The following DLGAP1 variants were observed in gnomAD, a reference collection of about 807,000 sequenced individuals.
DLGAP1 encodes DLG associated protein 1.
DLGAP1 carries 11 observed loss-of-function variants against 90.8 expected under a neutral mutation model. That is an observed-to-expected ratio of 0.12 (90% CI 0.08 to 0.20). The LOEUF is 0.20. Among genes scored for constraint, DLGAP1 ranks in the 10% least tolerant of loss-of-function variants. The probability of loss-of-function intolerance (pLI) is 1.00; values close to 1 mark genes in which losing one functional copy is unlikely to be tolerated. For synonymous variants in DLGAP1, 558 were observed against 540.7 expected, an observed-to-expected ratio of 1.03 and a Z score of -0.44; for missense variants, 1,050 against 1,333.8, an observed-to-expected ratio of 0.79 and a Z score of 3.31.
intron 7 of DLGAP1, among the ~76,000 whole-genome samples, chr18:3,648,788 T>C (rs2059203866): frequency 6.6e-6 from 1 of 152,196 alleles, no homozygotes. Flanking sequence ...ACTTATACTC[T>C]TGAAAAACAA....
At chr18:4,119,678 G>A (rs1245322828) in intron 2 of DLGAP1, among the ~76,000 whole-genome samples, 2 of 152,092 alleles carry the variant, frequency 1.3e-5, no homozygotes, top group Non-Finnish European at 2.9e-5. Flanking sequence ...TAAAAAGAGT[G>A]AATTAGACAA....
At chr18:4,045,060 A>C (rs2075028498) in intron 2 of DLGAP1, among the ~76,000 whole-genome samples, 1 of 152,060 alleles carries the variant, frequency 6.6e-6, no homozygotes, top group African/African-American at 2.4e-5. Context: ...ATCATAATTA[A>C]CCCAAATTTA....
chr18:3,958,155 C>T (rs560643430), intron 3 of DLGAP1, among the ~76,000 whole-genome samples: 5 of 152,026 alleles, frequency 3.3e-5, no homozygotes, highest in Non-Finnish European at 5.9e-5. Flanking sequence ...CAGATCTGCC[C>T]GCCTCGGCCT....
At chr18:3,596,876 T>G (rs756556398) in intron 7 of DLGAP1, 1 of 520,098 alleles carries the variant, frequency 1.9e-6, no homozygotes, top group Non-Finnish European at 3.8e-6. Context: ...GTGTTTGATG[T>G]TGGCCAATGC....
At chr18:3,979,776 TG>T (rs1271094820) in intron 3 of DLGAP1, among the ~76,000 whole-genome samples, 7 of 152,226 alleles carry the variant, frequency 4.6e-5, no homozygotes, top group Non-Finnish European at 1.0e-4. Context: ...CCTTCTATGA[TG>T]TATACATAGA....
chr18:4,291,721 T>A (rs2079854611), intron 1 of DLGAP1, among the ~76,000 whole-genome samples: 1 of 152,196 alleles, frequency 6.6e-6, no homozygotes, highest in South Asian at 2.1e-4. Flanking sequence ...TTGTGTTTAT[T>A]GTTAAAATTT....
In DLGAP1 at chr18:4,026,887, TA is replaced by T. The variant is rs376529399; in HGVS notation, c.-158-21687del. ...TTGTTCCTTTCCAAGGTTTAGGCAC[TA>T]AGCTGCTGTTATTAAGATAGGAATT... On this transcript the variant is annotated intron_variant, in intron 2 of 12. Transcript: ENST00000315677. Among the ~76,000 whole-genome samples the T allele has an allele frequency of 6.1e-4, 93 of 152,308 alleles. 1 individual carries two copies. In the South Asian group the frequency reaches 0.019, roughly 31 times the overall value.
At chr18:3,854,505 G>C (rs560505151) in intron 4 of DLGAP1, among the ~76,000 whole-genome samples, 3 of 152,248 alleles carry the variant, frequency 2.0e-5, no homozygotes, top group African/African-American at 7.2e-5. Context: ...CTTTCCTCAA[G>C]ATTCTACTGC....
intron 3 of DLGAP1, among the ~76,000 whole-genome samples, chr18:3,882,878 T>A (rs2071212528): frequency 6.6e-6 from 1 of 152,228 alleles, no homozygotes; most frequent in African/African-American, 2.4e-5. Flanking sequence ...AAAGCCAACA[T>A]GACTCTCTAA....
At chr18:4,113,570 T>A (rs192081915) in intron 2 of DLGAP1, among the ~76,000 whole-genome samples, 4 of 152,278 alleles carry the variant, frequency 2.6e-5, no homozygotes, top group Admixed American at 2.6e-4. Flanking sequence ...CTGTAGGTTA[T>A]CTGTTTACTC....
chr18:4,280,294 A>G (rs2079519325), intron 1 of DLGAP1, among the ~76,000 whole-genome samples: 1 of 152,182 alleles, frequency 6.6e-6, no homozygotes, highest in African/African-American at 2.4e-5. Context: ...ACAAATATTT[A>G]TTGGAAACAA....
At chr18:4,412,089 C>A (rs1271474624) in intron 1 of DLGAP1, among the ~76,000 whole-genome samples, 1 of 152,158 alleles carries the variant, frequency 6.6e-6, no homozygotes, top group Non-Finnish European at 1.5e-5. Flanking sequence ...TAAAGATACT[C>A]ATTTCCTATA....
intron 3 of DLGAP1, among the ~76,000 whole-genome samples, chr18:3,908,719 T>C (rs1568294208): frequency 6.6e-6 from 1 of 152,212 alleles, no homozygotes; most frequent in South Asian, 2.1e-4. Context: ...TTAAACATGA[T>C]AAGATTAGCA....
chr18:4,103,726 A>C (rs2075816182), intron 2 of DLGAP1, among the ~76,000 whole-genome samples: 1 of 152,188 alleles, frequency 6.6e-6, no homozygotes, highest in Non-Finnish European at 1.5e-5. Flanking sequence ...TGCTATTCAC[A>C]GCAAGATAGA....
At chr18:3,561,436 CAAAAAAAA>C (rs68086553) in intron 9 of DLGAP1, among the ~76,000 whole-genome samples, 25 of 76,368 alleles carry the variant, frequency 3.3e-4, no homozygotes, top group Admixed American at 4.7e-4. Flanking sequence ...ACTCCATCTC[CAAAAAAAA>C]AAAAAAAAAA....
chr18:3,729,511 T>C lies in DLGAP1; in HGVS notation c.1351-136A>G. Reference sequence around the variant, plus strand: ...TTAAGCTCAAATGCATTTTATTTCCTTTCTGTTACAGGCTATAATTGAATG... The same window carrying C: ...TTAAGCTCAAATGCATTTTATTTCCCTTCTGTTACAGGCTATAATTGAATG... On this transcript the variant is annotated intron_variant, in intron 6 of 12. Coordinates refer to ENST00000315677, the MANE Select transcript of DLGAP1 (RefSeq NM_004746.4). This position sits in a 1 kb window ranked among gnomAD's most constrained non-coding sequence, Gnocchi z 6.2. 8.2e-7 allele frequency: 1 copy of C among 1,216,962 alleles called. No homozygotes were observed. Among genetic ancestry groups the C allele is most frequent in the Non-Finnish European group, 1.1e-6 (1 of 885,058 alleles). 75.4% of individuals were successfully genotyped at this position (1,216,962 alleles called of 1,614,324 possible). A position where few individuals can be genotyped will look rare whatever the true frequency, so the allele number is the denominator to read the frequency against.
chr18:4,310,751 T>G (rs1407491944), intron 1 of DLGAP1, among the ~76,000 whole-genome samples: 1 of 152,192 alleles, frequency 6.6e-6, no homozygotes, highest in East Asian at 1.9e-4. Context: ...AACAGAAATG[T>G]CACCCTGTCC....
chr18:3,528,753 C>T (rs980827606), intron 10 of DLGAP1, among the ~76,000 whole-genome samples: 3 of 152,140 alleles, frequency 2.0e-5, no homozygotes, highest in Non-Finnish European at 4.4e-5. Context: ...CTGGATTGGC[C>T]GCATTTGAAA....
chr18:3,580,850 C>T (rs1204562359), intron 8 of DLGAP1: 12 of 1,323,952 alleles, frequency 9.1e-6, no homozygotes, highest in South Asian at 1.3e-5. Flanking sequence ...GCTCTGCCCC[C>T]GGGGTGAGTG....
Sources: gnomAD v4.1 joint callset for allele counts (sites outside exome capture counted in the v4.1 genomes callset) on GRCh38, gnomAD v4.1.1 for gene constraint, Gnocchi (gnomAD v3.1) non-coding constraint, MANE v1.5 for transcripts, NCBI Gene and HGNC (gene_info 2026-07-23, HGNC 2026-07-21) for gene names.